Variants in PARD3B observed in about 807,000 individuals in gnomAD.
PARD3B encodes partitioning defective 3 homolog B.
Under a neutral mutation model 130.2 loss-of-function variants are expected in PARD3B, and 103 were observed. That is an observed-to-expected ratio of 0.79 (90% CI 0.67 to 0.93). The LOEUF is 0.93. PARD3B is among the 40% of genes least tolerant of loss of function. The pLI is 0.00. For synonymous variants in PARD3B, 583 were observed against 553.2 expected, an observed-to-expected ratio of 1.05 and a Z score of -0.76; for missense variants, 1,609 against 1,499.2, an observed-to-expected ratio of 1.07 and a Z score of -1.21.
rs1194475091 is a variant in PARD3B at position 205,309,972 on chromosome 2, G to A, written c.2630+8271G>A. Among the ~76,000 whole-genome samples the A allele has an allele frequency of 6.6e-6, 1 of 151,634 alleles. No individual in the cohort carries two copies. The highest frequency in any genetic ancestry group is 1.5e-5 in the Non-Finnish European group (1 of 67,958). Reference sequence around the variant, plus strand: ...AGTAAAAACTGTCTATATATGGTATGCAACATGATGTTTTAATATATATAC... The same window carrying A: ...AGTAAAAACTGTCTATATATGGTATACAACATGATGTTTTAATATATATAC... On this transcript the variant is annotated intron_variant, in intron 18 of 22. Transcript: ENST00000406610. This position sits in a 1 kb window ranked among gnomAD's most constrained non-coding sequence, Gnocchi z 4.7.
chr2:204,556,619 G>C (rs906214599), intron 1 of PARD3B, among the ~76,000 whole-genome samples: 4 of 152,178 alleles, frequency 2.6e-5, no homozygotes, highest in Non-Finnish European at 5.9e-5. Context: ...GCGTAGCCTG[G>C]AGAGGAGTGG....
chr2:204,746,923 A>G (rs2040256190), intron 2 of PARD3B, among the ~76,000 whole-genome samples: 2 of 152,232 alleles, frequency 1.3e-5, no homozygotes, highest in South Asian at 2.1e-4. Flanking sequence ...CTCATTCTGT[A>G]GGTTGCCTGT....
chr2:204,574,524 T>C (rs547620638), intron 1 of PARD3B, among the ~76,000 whole-genome samples: 1 of 152,338 alleles, frequency 6.6e-6, no homozygotes, highest in Non-Finnish European at 1.5e-5. Flanking sequence ...CATCTCAGTA[T>C]GGACAGGCAG....
chr2:205,379,667 C>T (rs965315417), intron 18 of PARD3B, among the ~76,000 whole-genome samples: 1 of 151,812 alleles, frequency 6.6e-6, no homozygotes, highest in African/African-American at 2.4e-5. Context: ...ATGTACCATC[C>T]TAGTAATTGG....
At chr2:204,600,000 C>A (rs369912837) in intron 1 of PARD3B, among the ~76,000 whole-genome samples, 4 of 151,522 alleles carry the variant, frequency 2.6e-5, no homozygotes, top group African/African-American at 9.7e-5. Context: ...TTGAAAAATA[C>A]CTGTTCAGAG....
chr2:205,209,222 A>G (rs1201228306), intron 15 of PARD3B, among the ~76,000 whole-genome samples: 1 of 146,446 alleles, frequency 6.8e-6, no homozygotes, highest in Non-Finnish European at 1.5e-5. Context: ...AATCAATTCA[A>G]GATGGATTAA....
intron 2 of PARD3B, among the ~76,000 whole-genome samples, chr2:204,957,677 C>A (rs896692378): frequency 6.6e-6 from 1 of 152,086 alleles, no homozygotes; most frequent in Admixed American, 6.5e-5. Context: ...TACTTTGAAA[C>A]CTTTGTTTAA....
chr2:205,565,307 G>A (rs574090381), intron 22 of PARD3B, among the ~76,000 whole-genome samples: 2 of 152,252 alleles, frequency 1.3e-5, no homozygotes, highest in Admixed American at 6.5e-5. Context: ...TTTTTTCCTG[G>A]AAACAGTCAT....
intron 15 of PARD3B, among the ~76,000 whole-genome samples, chr2:205,233,110 G>A (rs2038918555): frequency 6.6e-6 from 1 of 152,014 alleles, no homozygotes; most frequent in Non-Finnish European, 1.5e-5. Flanking sequence ...TGAAATCATG[G>A]TTAAAGAGAA....
At chr2:205,331,782 CAAAAAAAAA>C (rs56654511) in intron 18 of PARD3B, among the ~76,000 whole-genome samples, 2 of 48,404 alleles carry the variant, frequency 4.1e-5, no homozygotes. Context: ...GACTCCGTCT[CAAAAAAAAA>C]AAAAAAAAAA....
intron 19 of PARD3B, among the ~76,000 whole-genome samples, chr2:205,408,199 G>C (rs552635200): frequency 9.8e-4 from 149 of 152,230 alleles, no homozygotes; most frequent in Non-Finnish European, 2.0e-3. Context: ...AGCTGCTTGT[G>C]GCCTGTTCCC....
At chr2:205,393,785 A>G (rs1379351046) in intron 18 of PARD3B, among the ~76,000 whole-genome samples, 1 of 152,132 alleles carries the variant, frequency 6.6e-6, no homozygotes, top group East Asian at 1.9e-4. Context: ...AGTGAACTAA[A>G]TGAGAGAGTA....
intron 19 of PARD3B, among the ~76,000 whole-genome samples, chr2:205,417,089 C>T (rs939718666): frequency 3.5e-5 from 4 of 114,286 alleles, no homozygotes; most frequent in Non-Finnish European, 6.7e-5. Flanking sequence ...CTCCCCCCAC[C>T]CCCCGGCAGG....
intron 2 of PARD3B, among the ~76,000 whole-genome samples, chr2:204,868,724 G>A (rs1035095816): frequency 3.3e-5 from 5 of 152,282 alleles, no homozygotes; most frequent in Admixed American, 1.3e-4. Flanking sequence ...GATAGGTCAC[G>A]AATGTAGTAT....
chr2:205,314,824 A>G (rs2105944695), intron 18 of PARD3B, among the ~76,000 whole-genome samples: 1 of 152,226 alleles, frequency 6.6e-6, no homozygotes, highest in South Asian at 2.1e-4. Context: ...GAATCTACCC[A>G]TCTAAGTCAC....
intron 10 of PARD3B, among the ~76,000 whole-genome samples, chr2:205,151,387 G>A (rs1575969986): frequency 6.6e-6 from 1 of 152,300 alleles, no homozygotes; most frequent in East Asian, 1.9e-4. Context: ...TTATTACTGT[G>A]TGGGGGTCTA....
At chr2:205,050,441 A>G (rs1699112836) in intron 4 of PARD3B, among the ~76,000 whole-genome samples, 1 of 151,762 alleles carries the variant, frequency 6.6e-6, no homozygotes, top group Non-Finnish European at 1.5e-5. Context: ...ATATCCTTGC[A>G]TAGCCAAACT....
At chr2:205,245,924 G>A in intron 16 of PARD3B, 102 bp downstream of exon 16, 1 of 954,012 alleles carries the variant, frequency 1.0e-6, no homozygotes, top group Non-Finnish European at 1.7e-6. Context: ...TCACTGAAAG[G>A]CTTTCTAATT....
chr2:205,197,121 T>G lies in PARD3B; in HGVS notation c.2140+3801T>G, dbSNP rs111364541. On this transcript the variant is annotated intron_variant, in intron 15 of 22. Coordinates refer to ENST00000406610, the MANE Select transcript of PARD3B (RefSeq NM_001302769.2). ...TGCACATTAATTATAATGTTTGCTA[T>G]TGGCTTCTGATGGAAACATTTGATC... is the stretch of plus-strand genomic sequence containing the variant. Among the ~76,000 whole-genome samples, 1,161 of 151,720 alleles carry G rather than the reference T, an allele frequency of 7.7e-3. 15 individuals are homozygous for G. The highest frequency in any genetic ancestry group is 0.014 in the Middle Eastern group (4 of 292).
Sources: allele counts gnomAD v4.1 joint callset (sites outside exome capture counted in the v4.1 genomes callset), GRCh38; gene constraint gnomAD v4.1.1; non-coding constraint Gnocchi (gnomAD v3.1); transcripts MANE v1.5; gene names NCBI Gene and HGNC (gene_info 2026-07-23, HGNC 2026-07-21).